Variants in EYA2 observed in about 807,000 individuals in gnomAD.
EYA2 encodes the protein EYA transcriptional coactivator and phosphatase 2.
EYA2 carries 31 observed loss-of-function variants against 69.2 expected under a neutral mutation model. That is an observed-to-expected ratio of 0.45 (90% confidence interval 0.34 to 0.60). EYA2 has a LOEUF of 0.60. Among genes scored for constraint, EYA2 ranks in the 20% least tolerant of loss-of-function variants. The pLI, the probability that EYA2 is intolerant of heterozygous loss-of-function variation, is 0.02. For synonymous variants in EYA2, 257 were observed against 279.4 expected (o/e 0.92, Z 0.80); for missense variants, 622 against 701.2 (o/e 0.89, Z 1.28).
At chr20:47,047,674 A>G (rs1463962946) in intron 5 of EYA2, among the ~76,000 whole-genome samples, 1 of 152,184 alleles carries the variant, frequency 6.6e-6, no homozygotes, top group Non-Finnish European at 1.5e-5. Flanking sequence ...GGTGTGAGCC[A>G]CCGCGCCCAG....
At chr20:47,079,042 A>G (rs951501184) in intron 7 of EYA2, among the ~76,000 whole-genome samples, 1 of 152,248 alleles carries the variant, frequency 6.6e-6, no homozygotes, top group Non-Finnish European at 1.5e-5. Flanking sequence ...TGATAACCAC[A>G]AGGGTTTTGT....
chr20:47,119,975 A>G (rs1414538826), intron 9 of EYA2, among the ~76,000 whole-genome samples: 4 of 152,176 alleles, frequency 2.6e-5, no homozygotes, highest in Non-Finnish European at 5.9e-5. Context: ...TGGGAGGCCA[A>G]GGCGGGCGGA....
chr20:47,150,617 G>A (rs950219938), intron 10 of EYA2, among the ~76,000 whole-genome samples: 1 of 151,942 alleles, frequency 6.6e-6, no homozygotes, highest in Non-Finnish European at 1.5e-5. Flanking sequence ...ATAGGCAGGC[G>A]TCACCATGCT....
At chr20:47,093,082 A>G (rs994837503) in intron 8 of EYA2, among the ~76,000 whole-genome samples, 1 of 152,206 alleles carries the variant, frequency 6.6e-6, no homozygotes, top group Non-Finnish European at 1.5e-5. Context: ...AAGAAACTGC[A>G]TGTATGCCTT....
intron 1 of EYA2, among the ~76,000 whole-genome samples, chr20:46,989,348 C>T (rs1981498081): frequency 1.3e-5 from 2 of 152,154 alleles, no homozygotes; most frequent in South Asian, 2.1e-4. Context: ...TCACTGCAAC[C>T]TCTGCCTCCC....
chr20:46,926,490 A>G (rs1448793122), intron 1 of EYA2, among the ~76,000 whole-genome samples: 2 of 152,204 alleles, frequency 1.3e-5, no homozygotes, highest in Non-Finnish European at 2.9e-5. Flanking sequence ...AAAAGAAGGG[A>G]GAAATTCCTT....
intron 10 of EYA2, among the ~76,000 whole-genome samples, chr20:47,168,837 C>T (rs756361637): frequency 1.3e-5 from 2 of 152,106 alleles, no homozygotes. Context: ...TGAACCTATC[C>T]CCCTAGTATA....
At chr20:47,078,696 GTTAC>G (rs2031615107) in intron 7 of EYA2, among the ~76,000 whole-genome samples, 1 of 152,172 alleles carries the variant, frequency 6.6e-6, no homozygotes, top group African/African-American at 2.4e-5. Context: ...CAAATCATTG[GTTAC>G]TTAAGGATTT....
chr20:47,086,921 G>C (rs187857338), intron 7 of EYA2, among the ~76,000 whole-genome samples: 1 of 142,612 alleles, frequency 7.0e-6, no homozygotes, highest in Non-Finnish European at 1.6e-5. Context: ...GTTTTAATGG[G>C]GGGGGCAAAC....
intron 1 of EYA2, among the ~76,000 whole-genome samples, chr20:46,937,115 G>C (rs1985942893): frequency 6.6e-6 from 1 of 152,038 alleles, no homozygotes; most frequent in African/African-American, 2.4e-5. Context: ...ATCCCTTTGT[G>C]TATATAAAAA....
intron 9 of EYA2, among the ~76,000 whole-genome samples, chr20:47,137,289 G>A (rs1470832457): frequency 6.6e-6 from 1 of 152,198 alleles, no homozygotes; most frequent in Non-Finnish European, 1.5e-5. Context: ...CTGATGTGGG[G>A]TCTTCCTGCT....
intron 1 of EYA2, among the ~76,000 whole-genome samples, chr20:46,948,540 T>C (rs1161193525): frequency 6.6e-6 from 1 of 152,198 alleles, no homozygotes; most frequent in Non-Finnish European, 1.5e-5. Context: ...ATATTTCTTA[T>C]CAGCTGTATC....
intron 9 of EYA2, among the ~76,000 whole-genome samples, chr20:47,132,034 A>G (rs2033354344): frequency 6.6e-6 from 1 of 152,202 alleles, no homozygotes; most frequent in African/African-American, 2.4e-5. Context: ...TAGCGCAATC[A>G]TAGTTCACTG....
chr20:46,981,016 C>T (rs530135534), intron 1 of EYA2, among the ~76,000 whole-genome samples: 10 of 152,198 alleles, frequency 6.6e-5, no homozygotes, highest in East Asian at 1.9e-4. Context: ...TGGTGGAGTG[C>T]GCTGACATTT....
chr20:47,064,318 T>C (rs1344481086), intron 5 of EYA2, among the ~76,000 whole-genome samples: 3 of 152,210 alleles, frequency 2.0e-5, no homozygotes, highest in African/African-American at 7.2e-5. Flanking sequence ...CAGAATTTCA[T>C]TCCTCTTTAT....
chr20:47,169,208 G>A lies in EYA2; in HGVS notation c.1037+11G>A. The A allele has an allele frequency of 6.2e-7, 1 of 1,613,386 alleles. No homozygotes were observed. Among genetic ancestry groups the A allele is most frequent in the Non-Finnish European group, 8.5e-7 (1 of 1,179,364 alleles). ...TGGCCAAGATTTAAGGTGGGAATTT[G>A]GGGAGTCAAAAATGCCCATTGATTG... is the stretch of plus-strand genomic sequence containing the variant. On this transcript the variant is annotated intron_variant, in intron 11 of 15. Transcript: ENST00000327619.
intron 4 of EYA2, among the ~76,000 whole-genome samples, chr20:47,012,621 G>A (rs564430445): frequency 3.9e-4 from 59 of 152,312 alleles, no homozygotes; most frequent in African/African-American, 1.4e-3. Context: ...AGCTTCCTGA[G>A]TAGCTGGGAT....
chr20:47,021,821 A>C (rs560786374), intron 5 of EYA2, among the ~76,000 whole-genome samples: 40 of 152,182 alleles, frequency 2.6e-4, no homozygotes, highest in Non-Finnish European at 8.8e-5. Flanking sequence ...CTTGTTACTC[A>C]GTGATCTCAG....
rs563062551 is a variant in EYA2, at chr20:47,169,899, T to A, written c.1037+702T>A. 3.3e-5 allele frequency among the ~76,000 whole-genome samples: 5 copies of A among 151,628 alleles called. No homozygotes were observed. The South Asian group carries it at 1.0e-3, about 32-fold the overall frequency. ...TTGTATTCATTAGCATACATATATA[T>A]ATTTTTTTCTTTTTCTTTTTTTTGA... On this transcript the variant is annotated intron_variant, in intron 11 of 15. Coordinates refer to ENST00000327619, the MANE Select transcript of EYA2 (RefSeq NM_005244.5).
Sources: allele counts gnomAD v4.1 joint callset (sites outside exome capture counted in the v4.1 genomes callset), GRCh38; gene constraint gnomAD v4.1.1; transcripts MANE v1.5; gene names NCBI Gene and HGNC (gene_info 2026-07-23, HGNC 2026-07-21).